Variants in SECTM1 observed in about 807,000 individuals in gnomAD.
The protein encoded by SECTM1 is secreted and transmembrane 1.
SECTM1 carries 10 observed loss-of-function variants against 18.1 expected under a neutral mutation model. That is an observed-to-expected ratio of 0.55 (90% confidence interval 0.34 to 0.94). SECTM1 has a LOEUF of 0.94. Among genes scored for constraint, SECTM1 ranks in the 40% least tolerant of loss-of-function variants. The probability of loss-of-function intolerance (pLI) is 0.02; values close to 1 mark genes in which losing one functional copy is unlikely to be tolerated. For missense variants in SECTM1, 297 were observed against 322.6 expected (o/e 0.92, Z 0.61); for synonymous variants, 137 against 139.2 (o/e 0.98, Z 0.11).
rs1379005626 is a variant in SECTM1 at position 82,326,995 on chromosome 17, G to T, written c.94+152C>A. On this transcript the variant is annotated intron_variant, in intron 2 of 4. Transcript: ENST00000269389. This position sits in a 1 kb window ranked among gnomAD's most constrained non-coding sequence, Gnocchi z 4.3. ...ACTCACCGCCACCTGAGGCAGCCCA[G>T]CTCCACATGGTCAGGCCCTGGGTCT... 5.0e-6 allele frequency: 3 copies of T among 598,040 alleles called. No homozygotes were observed. The highest frequency in any genetic ancestry group is 8.8e-6 in the Non-Finnish European group (3 of 339,540). The allele number at this position is 598,040 out of a possible 1,614,324, so 37.0% of individuals were successfully genotyped here.
Position 82,324,595 on chromosome 17 carries a change from C to G in SECTM1, c.390G>C (p.Thr130=), listed in dbSNP as rs375121326. ...GCCTCCCCTCACCTGAAACCTCCAG[C>G]GTGACTTGTCTGTTATTTCTCTGGT... The part of the protein sequence containing the change: ...VGHQRNNRQV[T]LEVSGAEPQS... The change falls in exon 3 of 5, where the codon ACG becomes ACC. Residue 130 remains threonine (T), a synonymous_variant. Transcript: ENST00000269389. 1.2e-6 allele frequency: 2 copies of G among 1,605,266 alleles called. No homozygotes were observed.
In SECTM1 at chr17:82,325,082, G is replaced by A. The variant is rs1001926617; in HGVS notation, c.95-192C>T. Among the ~76,000 whole-genome samples the A allele has an allele frequency of 1.3e-5, 2 of 152,150 alleles. No homozygotes were observed. The highest frequency in any genetic ancestry group is 4.1e-4 in the South Asian group (2 of 4,824). Reference sequence around the variant, plus strand: ...AGAATAAAATAGCAACAAAAAAGACGGGTGGCTCTGTGTGTGTGTATGTGT... The same window carrying A: ...AGAATAAAATAGCAACAAAAAAGACAGGTGGCTCTGTGTGTGTGTATGTGT... On this transcript the variant is annotated intron_variant, in intron 2 of 4. Transcript: ENST00000269389. The surrounding 1 kb of genome is among the most constrained non-coding windows in gnomAD (Gnocchi z 7.6).
Position 82,330,209 on chromosome 17 carries a change from C to T in SECTM1, c.-52-2917G>A, listed in dbSNP as rs1487928119. The stretch of plus-strand genomic sequence containing the variant: ...GAGGGTCGGGGCTGCTGGGGGCTCC[C>T]CCACTGCTCTCCGCACCACCCCGCC... On this transcript the variant is annotated intron_variant, in intron 1 of 4. Transcript: ENST00000269389. The surrounding 1 kb of genome is among the most constrained non-coding windows in gnomAD (Gnocchi z 6.1). Among the ~76,000 whole-genome samples, 1 of 152,178 alleles carries T rather than the reference C, an allele frequency of 6.6e-6. No individual in the cohort carries two copies. The highest frequency in any genetic ancestry group is 1.5e-5 in the Non-Finnish European group (1 of 68,004).
At position 82,329,725 on chromosome 17, in the gene SECTM1, G is replaced by A. The variant is rs558322665; in HGVS notation, c.-52-2433C>T. Reference sequence around the variant, plus strand: ...GTGGTCCCTTCTGGAGGCTCCAGGCGGAATCTGTCCCTCTCCGTCTCCAGC... The same window carrying A: ...GTGGTCCCTTCTGGAGGCTCCAGGCAGAATCTGTCCCTCTCCGTCTCCAGC... On this transcript the variant is annotated intron_variant, in intron 1 of 4. Transcript: ENST00000269389. This position sits in a 1 kb window ranked among gnomAD's most constrained non-coding sequence, Gnocchi z 7.6. Among the ~76,000 whole-genome samples, 34 of 152,128 alleles carry A rather than the reference G, an allele frequency of 2.2e-4. No homozygotes were observed. Among genetic ancestry groups the A allele is most frequent in the African/African-American group, 1.4e-4 (6 of 41,492 alleles).
In SECTM1 at chr17:82,326,755, G is replaced by A. The variant is rs1382817446; in HGVS notation, c.94+392C>T. On this transcript the variant is annotated intron_variant, in intron 2 of 4. Transcript: ENST00000269389. The surrounding 1 kb of genome is among the most constrained non-coding windows in gnomAD (Gnocchi z 4.3). ...CAGGCCTGAGGTGCGCCTGACTAAG[G>A]AGCCCCCAGGCCAGGGCTGCTGTCT... Among the ~76,000 whole-genome samples the A allele has an allele frequency of 1.3e-5, 2 of 152,144 alleles. No individual in the cohort carries two copies. The highest frequency in any genetic ancestry group is 1.9e-4 in the East Asian group (1 of 5,204).
chr17:82,324,663 G>A lies in SECTM1; in HGVS notation c.322C>T (p.Arg108Trp), dbSNP rs369939356. 25 of 1,613,800 alleles carry A rather than the reference G, an allele frequency of 1.5e-5. No individual in the cohort carries two copies. Among genetic ancestry groups the A allele is most frequent in the Non-Finnish European group, 1.9e-5 (23 of 1,179,998 alleles). The change falls in exon 3 of 5, where the codon CGG becomes TGG. Residue 108 changes from arginine to tryptophan, a missense_variant. Coordinates refer to ENST00000269389, the MANE Select transcript of SECTM1 (RefSeq NM_003004.3). ...ATGTACAGCCCAGCATGGGAGTCCCGGGCGCCTTTGATCACCAGCTGTGCC... is the reference window on the plus strand; with the variant it reads ...ATGTACAGCCCAGCATGGGAGTCCCAGGCGCCTTTGATCACCAGCTGTGCC... The part of the protein sequence containing the change: ...GVAQLVIKGA[R>W]DSHAGLYMWH...
chr17:82,327,970 G>A (rs1255703203), intron 1 of SECTM1, among the ~76,000 whole-genome samples: 4 of 45,928 alleles, frequency 8.7e-5, no homozygotes, highest in African/African-American at 2.6e-4. Context: ...CCCGTCCACC[G>A]GCCTCCCCAG....
intron 3 of SECTM1, chr17:82,323,411 G>A (rs944570995): frequency 5.2e-6 from 1 of 190,804 alleles, no homozygotes; most frequent in South Asian, 1.1e-4. Flanking sequence ...AGCCCAGGAA[G>A]GGCTCACCAG....
chr17:82,324,513 CCAGGCCCCCT>C, intron 3 of SECTM1, 59 bp downstream of exon 3: 2 of 756,142 alleles, frequency 2.6e-6, no homozygotes, highest in South Asian at 4.3e-5. Context: ...CTCCCCCTGC[CCAGGCCCCCT>C]CCCCTCCCCG....
At position 82,321,735 on chromosome 17, in the gene SECTM1, A is replaced by G; in HGVS notation, c.*426T>C. ...ATAGCCAAGGGACAGGTATGTGGCC[A>G]AGGCCCCCCACAGCCCTGAACTGGA... On this transcript the variant is annotated 3_prime_UTR_variant, in exon 5 of 5. Transcript: ENST00000269389. 5.7e-6 allele frequency: 1 copy of G among 175,846 alleles called. No homozygotes were observed. The highest frequency in any genetic ancestry group is 1.2e-5 in the Non-Finnish European group (1 of 80,796). 10.9% of individuals were successfully genotyped at this position (175,846 alleles called of 1,614,324 possible).
chr17:82,327,706 C>A (rs2052158643), intron 1 of SECTM1, among the ~76,000 whole-genome samples: 1 of 152,162 alleles, frequency 6.6e-6, no homozygotes, highest in Non-Finnish European at 1.5e-5. Context: ...CTCACCAACG[C>A]TAAGCATGAA....
chr17:82,324,517 G>GCCC, intron 3 of SECTM1, 65 bp downstream of exon 3: 2 of 604,114 alleles, frequency 3.3e-6, no homozygotes, highest in South Asian at 2.9e-5. Context: ...CCCTGCCCAG[G>GCCC]CCCCCTCCCC....
intron 1 of SECTM1, among the ~76,000 whole-genome samples, chr17:82,327,946 GCCCC>G (rs1037688314): frequency 2.4e-5 from 1 of 42,544 alleles, no homozygotes; most frequent in African/African-American, 1.1e-4. Flanking sequence ...CCGTCCACCA[GCCCC>G]CCCACCCTGC....
Position 82,324,763 on chromosome 17 carries a change from C to G in SECTM1, c.222G>C (p.Glu74Asp), listed in dbSNP as rs2052131116. ...GAGCCACCTCATTGAAGATGGCGCT[C>G]TCCTGCCCGTGGGCACGCAGCTTGA... Reference protein sequence around the residue: ...VNIKLRAHGQESAIFNEVAPG... With the variant: ...VNIKLRAHGQDSAIFNEVAPG... The change falls in exon 3 of 5, where the codon GAG (glutamate) becomes GAC (aspartate). Residue 74 changes from glutamate (E) to aspartate (D), a missense_variant. Glu to Asp is a conservative substitution (Grantham distance 45). Coordinates refer to ENST00000269389, the MANE Select transcript of SECTM1 (RefSeq NM_003004.3). 5 of 1,614,146 alleles carry G rather than the reference C, an allele frequency of 3.1e-6. No homozygotes were observed. The highest frequency in any genetic ancestry group is 4.2e-6 in the Non-Finnish European group (5 of 1,180,018).
Position 82,321,993 on chromosome 17 carries a change from G to C in SECTM1, c.*168C>G. On this transcript the variant is annotated 3_prime_UTR_variant, in exon 5 of 5. Coordinates refer to ENST00000269389, the MANE Select transcript of SECTM1 (RefSeq NM_003004.3). ...GAAGCAGAGCTTGGAAGACCTGGGG[G>C]GTGGAGGGGAAGGGTCTGCACGCAC... The C allele has an allele frequency of 3.3e-6, 2 of 601,750 alleles. No homozygotes were observed. Among genetic ancestry groups the C allele is most frequent in the East Asian group, 3.0e-5 (1 of 33,452 alleles). 37.3% of individuals were successfully genotyped at this position (601,750 alleles called of 1,614,324 possible). A position where few individuals can be genotyped will look rare whatever the true frequency, so the allele number is the denominator to read the frequency against.
chr17:82,333,269 C>T (rs912063481), intron 1 of SECTM1, among the ~76,000 whole-genome samples: 1 of 152,222 alleles, frequency 6.6e-6, no homozygotes, highest in Admixed American at 6.5e-5. Context: ...GGCCGAGGAC[C>T]GGGAAGGGAG....
At chr17:82,333,230 G>A (rs2052206175) in intron 1 of SECTM1, among the ~76,000 whole-genome samples, 2 of 152,228 alleles carry the variant, frequency 1.3e-5, no homozygotes, top group African/African-American at 2.4e-5. Flanking sequence ...CAGCTTGGTC[G>A]CAGCGACGGC....
In SECTM1 at chr17:82,325,660, C is replaced by G. The variant is rs2052139608; in HGVS notation, c.95-770G>C. On this transcript the variant is annotated intron_variant, in intron 2 of 4. Coordinates refer to ENST00000269389, the MANE Select transcript of SECTM1 (RefSeq NM_003004.3). The surrounding 1 kb of genome is among the most constrained non-coding windows in gnomAD (Gnocchi z 7.6). ...CATAGCGACCCGTGCAGCTGCTTCC[C>G]TCAGAGGGTCTGGGGCCTTTGCCCC... is the stretch of plus-strand genomic sequence containing the variant. Among the ~76,000 whole-genome samples, 1 of 152,238 alleles carries G rather than the reference C, an allele frequency of 6.6e-6. No homozygotes were observed. The highest frequency in any genetic ancestry group is 2.4e-5 in the African/African-American group (1 of 41,454).
intron 3 of SECTM1, among the ~76,000 whole-genome samples, chr17:82,324,344 C>T (rs1176347555): frequency 2.0e-5 from 3 of 151,966 alleles, no homozygotes; most frequent in Non-Finnish European, 4.4e-5. Context: ...GGGGTCTGTG[C>T]CCCCTGAGCC....
Sources: allele counts gnomAD v4.1 joint callset (sites outside exome capture counted in the v4.1 genomes callset), GRCh38; gene constraint gnomAD v4.1.1; non-coding constraint Gnocchi (gnomAD v3.1); transcripts MANE v1.5; gene names NCBI Gene and HGNC (gene_info 2026-07-23, HGNC 2026-07-21).